Variants in PPIL2 observed in about 807,000 individuals in gnomAD.
PPIL2 encodes RING-type E3 ubiquitin-protein ligase PPIL2.
Under a neutral mutation model 75.2 loss-of-function variants are expected in PPIL2, and 50 were observed. The observed-to-expected ratio is 0.66, with a 90% CI of 0.53 to 0.84. The LOEUF (loss-of-function observed/expected upper bound fraction) is 0.84. PPIL2 is among the 40% of genes least tolerant of loss of function. PPIL2 has a pLI of 0.00. For synonymous variants in PPIL2, 245 were observed against 258.8 expected (o/e 0.95, Z 0.51); for missense variants, 590 against 685.0 (o/e 0.86, Z 1.55).
chr22:21,683,983 G>T (rs1048257995), intron 9 of PPIL2, among the ~76,000 whole-genome samples: 2 of 152,136 alleles, frequency 1.3e-5, no homozygotes, highest in African/African-American at 4.8e-5. Flanking sequence ...CAAGGCAGGC[G>T]GATTGCTTGA....
chr22:21,686,866 G>T, intron 11 of PPIL2, 26 bp from the exon 12 acceptor site: 1 of 1,610,332 alleles, frequency 6.2e-7, no homozygotes, highest in African/African-American at 1.3e-5. Flanking sequence ...TGAGGGCAGG[G>T]GCTGAGCTGG....
chr22:21,687,535 A>G, intron 12 of PPIL2, 108 bp from the exon 13 acceptor site: 1 of 799,110 alleles, frequency 1.3e-6, no homozygotes, highest in Non-Finnish European at 1.9e-6. Flanking sequence ...CCTGGGCAAC[A>G]GCAAGACTCC....
chr22:21,674,153 G>C (rs2066742365), intron 5 of PPIL2, among the ~76,000 whole-genome samples: 1 of 152,172 alleles, frequency 6.6e-6, no homozygotes, highest in Non-Finnish European at 1.5e-5. Flanking sequence ...GCCCACACCA[G>C]GTGGCAGCAG....
intron 14 of PPIL2, 150 bp from the exon 15 acceptor site, chr22:21,688,582 G>T: frequency 1.4e-6 from 1 of 726,394 alleles, no homozygotes; most frequent in Non-Finnish European, 2.4e-6. Context: ...CCCAGGAGTT[G>T]GTGGCGTGGG....
At chr22:21,676,244 G>GTGTGTGTGTA (rs2066838707) in intron 6 of PPIL2, among the ~76,000 whole-genome samples, 2 of 24,806 alleles carry the variant, frequency 8.1e-5, no homozygotes, top group African/African-American at 1.1e-3. Flanking sequence ...GTGATCAGCA[G>GTGTGTGTGTA]TGTGTGTGTG....
intron 6 of PPIL2, among the ~76,000 whole-genome samples, chr22:21,679,345 A>G (rs1469935912): frequency 2.0e-5 from 3 of 151,638 alleles, no homozygotes; most frequent in African/African-American, 7.3e-5. Context: ...TACGCCTGCA[A>G]TCTCAGCACT....
chr22:21,695,254 G>A, intron 19 of PPIL2, 140 bp from the exon 20 acceptor site: 3 of 1,324,672 alleles, frequency 2.3e-6, no homozygotes, highest in Non-Finnish European at 3.1e-6. Flanking sequence ...TCTGTGGGTG[G>A]AAGAGATCAA....
chr22:21,671,039 T>A lies in PPIL2; in HGVS notation c.171T>A (p.Asp57Glu). Residue 57 changes from aspartate to glutamate, a missense_variant, in exon 4 of 20, where the codon GAT becomes GAA. Coordinates refer to ENST00000398831, the MANE Select transcript of PPIL2 (RefSeq NM_014337.4). ...QPFVYPVCTPDGIVFDLLNIV... is the reference protein window; with the variant it reads ...QPFVYPVCTPEGIVFDLLNIV... ...TTGTCTACCCAGTCTGCACTCCCGA[T>A]GGCATCGTCTTTGACTTACTGTGAG... The A allele has an allele frequency of 6.2e-7, 1 of 1,612,560 alleles. No homozygotes were observed. Among genetic ancestry groups the A allele is most frequent in the African/African-American group, 1.3e-5 (1 of 75,040 alleles).
chr22:21,693,940 C>T, intron 16 of PPIL2, 68 bp downstream of exon 16: 1 of 1,467,068 alleles, frequency 6.8e-7, no homozygotes, highest in Non-Finnish European at 9.6e-7. Context: ...CCACCTGAGG[C>T]CTCCTCACTG....
At chr22:21,669,346 G>A (rs761088439) in intron 1 of PPIL2, 12 of 451,638 alleles carry the variant, frequency 2.7e-5, no homozygotes, top group East Asian at 7.0e-5. Flanking sequence ...ACAGATTCTC[G>A]CTTTGTTGCC....
intron 6 of PPIL2, among the ~76,000 whole-genome samples, chr22:21,678,812 G>A (rs543923538): frequency 6.6e-6 from 1 of 151,664 alleles, no homozygotes; most frequent in African/African-American, 2.4e-5. Flanking sequence ...CTGTTGCTTC[G>A]ACCTTCCAGG....
chr22:21,693,208 C>T (rs1171953985), intron 15 of PPIL2, among the ~76,000 whole-genome samples: 1 of 151,948 alleles, frequency 6.6e-6, no homozygotes, highest in Non-Finnish European at 1.5e-5. Flanking sequence ...CCACCACGCC[C>T]AGCTAATTTT....
intron 4 of PPIL2, 23 bp from the exon 5 acceptor site, chr22:21,672,307 T>A: frequency 6.2e-7 from 1 of 1,604,752 alleles, no homozygotes. Flanking sequence ...CTGGTGATGC[T>A]TTCTGTTCTG....
At chr22:21,692,332 T>C (rs1357267050) in intron 15 of PPIL2, among the ~76,000 whole-genome samples, 3 of 151,652 alleles carry the variant, frequency 2.0e-5, no homozygotes, top group East Asian at 4.0e-4. Flanking sequence ...TTTTTTGTAT[T>C]TTTAGTAGAG....
intron 15 of PPIL2, among the ~76,000 whole-genome samples, chr22:21,690,957 CTTTTTTTTT>C (rs34639269): frequency 0.036 from 2,305 of 64,922 alleles, 88 homozygotes; most frequent in African/African-American, 0.13. Context: ...GCCACCTTCT[CTTTTTTTTT>C]TTTTTTTTTT....
intron 15 of PPIL2, among the ~76,000 whole-genome samples, chr22:21,692,225 G>A (rs896140230): frequency 2.0e-5 from 3 of 151,416 alleles, no homozygotes; most frequent in African/African-American, 7.3e-5. Flanking sequence ...GCGCGATCTC[G>A]GCTCACTGCA....
In PPIL2 at chr22:21,688,007, C is replaced by A. The variant is rs1324835461; in HGVS notation, c.988-66C>A. On this transcript the variant is annotated intron_variant, in intron 13 of 19. Transcript: ENST00000398831. Reference sequence around the variant, plus strand: ...GCCATCTGGCAGGAGGGGTGTCCTTCAGTCAGGCAGGCGGTGGGCCTCGGG... The same window carrying A: ...GCCATCTGGCAGGAGGGGTGTCCTTAAGTCAGGCAGGCGGTGGGCCTCGGG... 4 of 1,599,620 alleles carry A rather than the reference C, an allele frequency of 2.5e-6. No homozygotes were observed. In the African/African-American group the frequency reaches 4.0e-5, roughly 16 times the overall value.
chr22:21,676,830 AACC>A (rs2148517613), intron 6 of PPIL2, among the ~76,000 whole-genome samples: 1 of 152,296 alleles, frequency 6.6e-6, no homozygotes, highest in East Asian at 1.9e-4. Context: ...TATTCGACAA[AACC>A]ACCATCGTCA....
At position 21,684,872 on chromosome 22, in the gene PPIL2, A is replaced by G; in HGVS notation, c.673A>G (p.Met225Val). The G allele has an allele frequency of 1.9e-6, 3 of 1,614,102 alleles. No homozygotes were observed. The highest frequency in any genetic ancestry group is 3.3e-5 in the Admixed American group (2 of 60,016). The change falls in exon 10 of 20, where the codon ATG becomes GTG. Residue 225 changes from methionine (M) to valine (V), a missense_variant. Physicochemically the swap from Met to Val is conservative, Grantham distance 21. Coordinates refer to ENST00000398831, the MANE Select transcript of PPIL2 (RefSeq NM_014337.4). ...FKGDEILAATMKAPEKKKVDK... is the reference protein window; with the variant it reads ...FKGDEILAATVKAPEKKKVDK... ...AGGGGACGAGATTCTGGCAGCCACC[A>G]TGAAGGCCCCGGAGAAGAAGAAAGT...
Sources: allele counts gnomAD v4.1 joint callset (sites outside exome capture counted in the v4.1 genomes callset), GRCh38; gene constraint gnomAD v4.1.1; transcripts MANE v1.5; gene names NCBI Gene and HGNC (gene_info 2026-07-23, HGNC 2026-07-21).